The following ADGRV1 variants were observed in gnomAD, a reference collection of about 807,000 sequenced individuals.
ADGRV1 encodes adhesion G protein-coupled receptor V1.
Under a neutral mutation model 596.2 loss-of-function variants are expected in ADGRV1, and 359 were observed. The observed-to-expected ratio is 0.60, with a 90% CI of 0.55 to 0.66. The LOEUF is 0.66. Among genes scored for constraint, ADGRV1 ranks in the 30% least tolerant of loss-of-function variants. The pLI is 0.00. For missense variants in ADGRV1, 7,274 were observed against 7,575.6 expected (o/e 0.96, Z 1.48); for synonymous variants, 2,681 against 2,679.2 (o/e 1.00, Z -0.02).
intron 24 of ADGRV1, among the ~76,000 whole-genome samples, chr5:90,675,781 C>G (rs549162047): frequency 6.7e-6 from 1 of 150,316 alleles, no homozygotes; most frequent in South Asian, 2.1e-4. Context: ...TTGTGAGACT[C>G]TGTCTCTAAA....
In ADGRV1 at chr5:91,102,336, T is replaced by C; in HGVS notation, c.18428T>C (p.Leu6143Pro). ...GTTCTCTTTGTCATTTTCAACAGTC[T>C]GCAGGTAAGCCTTACAATTTGGTTA... ...MLVLFVIFNS[L>P]QGLYVFMVYF... The change falls in exon 87 of 90, where the codon CTG becomes CCG. Residue 6143 changes from leucine (L) to proline (P), a missense_variant. Leu to Pro is a moderately conservative substitution (Grantham distance 98). Transcript: ENST00000405460. 3 of 1,591,878 alleles carry C rather than the reference T, an allele frequency of 1.9e-6. No individual in the cohort carries two copies. The highest frequency in any genetic ancestry group is 2.6e-6 in the Non-Finnish European group (3 of 1,169,700).
At chr5:90,924,162 G>T (rs574685863) in intron 83 of ADGRV1, among the ~76,000 whole-genome samples, 1 of 151,670 alleles carries the variant, frequency 6.6e-6, no homozygotes, top group African/African-American at 2.4e-5. Context: ...GGGATGGCTG[G>T]GTCAAATGGT....
intron 89 of ADGRV1, among the ~76,000 whole-genome samples, chr5:91,156,720 T>G (rs2126935060): frequency 6.6e-6 from 1 of 152,232 alleles, no homozygotes; most frequent in South Asian, 2.1e-4. Flanking sequence ...AATAACAATC[T>G]CTAATACTTG....
At chr5:90,963,064 A>G (rs1478538286) in intron 83 of ADGRV1, among the ~76,000 whole-genome samples, 3 of 152,200 alleles carry the variant, frequency 2.0e-5, no homozygotes, top group Non-Finnish European at 2.9e-5. Context: ...ATAACAACCT[A>G]CATAAGTTGA....
At chr5:90,705,288 GAAGTA>G in intron 36 of ADGRV1, 107 bp from the exon 37 acceptor site, 1 of 825,870 alleles carries the variant, frequency 1.2e-6, no homozygotes. Context: ...ATTTGTTAGA[GAAGTA>G]AATAGAACAC....
In ADGRV1 at chr5:91,124,544, T is replaced by G. The variant is rs1487912161; in HGVS notation, c.18432+22204T>G. Among the ~76,000 whole-genome samples, 3 of 152,162 alleles carry G rather than the reference T, an allele frequency of 2.0e-5. No individual in the cohort carries two copies. The East Asian group carries it at 5.8e-4, about 29-fold the overall frequency. On this transcript the variant is annotated intron_variant, in intron 87 of 89. Transcript: ENST00000405460. ...TGAGCAAAAATAGAACAAAAATAGTTTATCTGGAGATTGAAAATTCCCAGT... is the reference window on the plus strand; with the variant it reads ...TGAGCAAAAATAGAACAAAAATAGTGTATCTGGAGATTGAAAATTCCCAGT...
chr5:90,646,222 A>G (rs575441345), intron 16 of ADGRV1, 131 bp downstream of exon 16: 6 of 401,638 alleles, frequency 1.5e-5, no homozygotes, highest in African/African-American at 1.3e-4. Flanking sequence ...ATATTTAGCA[A>G]TTTTTTTCAT....
chr5:90,791,375 C>G lies in ADGRV1; in HGVS notation c.14517+29C>G, dbSNP rs1344581947. Reference sequence around the variant, plus strand: ...TGTGGCATTTCTTCAGTTTCCTGATCATTCCAATAAAACCCTTTCAGGAGT... The same window carrying G: ...TGTGGCATTTCTTCAGTTTCCTGATGATTCCAATAAAACCCTTTCAGGAGT... On this transcript the variant is annotated intron_variant, in intron 70 of 89. Coordinates refer to ENST00000405460, the MANE Select transcript of ADGRV1 (RefSeq NM_032119.4). 6.1e-6 allele frequency: 9 copies of G among 1,471,720 alleles called. No homozygotes were observed. In the South Asian group the frequency reaches 1.2e-4, roughly 19 times the overall value. 91.2% of individuals were successfully genotyped at this position (1,471,720 alleles called of 1,614,324 possible). A position where few individuals can be genotyped will look rare whatever the true frequency, so the allele number is the denominator to read the frequency against.
intron 50 of ADGRV1, among the ~76,000 whole-genome samples, chr5:90,731,976 A>T (rs1387195649): frequency 2.6e-5 from 4 of 152,164 alleles, no homozygotes; most frequent in African/African-American, 9.7e-5. Flanking sequence ...GGTTTAATAC[A>T]TGGTATATAG....
At position 91,102,201 on chromosome 5, in the gene ADGRV1, T is replaced by G. The variant is rs757779614; in HGVS notation, c.18311-18T>G. The G allele has an allele frequency of 7.8e-7, 1 of 1,279,010 alleles. No homozygotes were observed. The highest frequency in any genetic ancestry group is 1.1e-6 in the Non-Finnish European group (1 of 942,434). The allele number at this position is 1,279,010 out of a possible 1,614,324, so 79.2% of individuals were successfully genotyped here. ...GCAGTATTCTGAAGCTCAAAAATTC[T>G]TTTTTTTTTATTTCTAGAAATTCCA... On this transcript the variant is annotated intron_variant, in intron 86 of 89. Transcript: ENST00000405460.
intron 85 of ADGRV1, among the ~76,000 whole-genome samples, chr5:91,055,154 G>A (rs1364925805): frequency 6.6e-6 from 1 of 152,070 alleles, no homozygotes; most frequent in African/African-American, 2.4e-5. Context: ...GTGCTCTAAA[G>A]GAAATGTTTG....
Position 90,777,960 on chromosome 5 carries a change from C to T in ADGRV1, c.12583C>T (p.Pro4195Ser). 6.2e-7 allele frequency: 1 copy of T among 1,612,144 alleles called. No individual in the cohort carries two copies. Among genetic ancestry groups the T allele is most frequent in the African/African-American group, 1.3e-5 (1 of 74,984 alleles). Residue 4195 changes from proline to serine, a missense_variant, in exon 62 of 90, where the codon CCT (proline) becomes TCT (serine). Coordinates refer to ENST00000405460, the MANE Select transcript of ADGRV1 (RefSeq NM_032119.4). Reference protein sequence around the residue: ...GEVTVFWRIFPPSVGEFAETS... With the variant: ...GEVTVFWRIFSPSVGEFAETS... ...GGTCACAGTGTTCTGGAGGATATTCCCTCCTTCCGTGGGGGAATTTGCTGA... is the reference window on the plus strand; with the variant it reads ...GGTCACAGTGTTCTGGAGGATATTCTCTCCTTCCGTGGGGGAATTTGCTGA...
At chr5:90,841,439 C>T (rs1303207636) in intron 78 of ADGRV1, among the ~76,000 whole-genome samples, 2 of 152,048 alleles carry the variant, frequency 1.3e-5, no homozygotes, top group African/African-American at 2.4e-5. Flanking sequence ...TTAGTCCTCA[C>T]GGGCACTGAA....
At chr5:91,072,640 A>G in intron 86 of ADGRV1, 36 bp downstream of exon 86, 3 of 1,588,336 alleles carry the variant, frequency 1.9e-6, no homozygotes, top group Non-Finnish European at 2.6e-6. Context: ...TTGGAGATGG[A>G]AACGCTTTAA....
Position 90,643,845 on chromosome 5 carries a change from C to T in ADGRV1, c.2596C>T (p.Arg866Trp), listed in dbSNP as rs200389929. Residue 866 changes from arginine (R) to tryptophan (W), a missense_variant, in exon 14 of 90, where the codon CGG becomes TGG. Physicochemically the swap from Arg to Trp is moderately radical, Grantham distance 101. This residue lies in a region of ADGRV1 where 1,715 missense variants were observed against 1,708.8 expected (regional missense o/e 1.00). Transcript: ENST00000405460. ...GGTGGTCCTCAGCAGCCACGGAGAA[C>T]GGGAAAGCAAGTTGGGAAGTGCCAC... is the stretch of plus-strand genomic sequence containing the variant. ...YWVVLSSHGERESKLGSATIV... is the reference protein window; with the variant it reads ...YWVVLSSHGEWESKLGSATIV... 1.5e-4 allele frequency: 242 copies of T among 1,610,454 alleles called. 3 individuals are homozygous for T. Among genetic ancestry groups the T allele is most frequent in the Admixed American group, 7.6e-4 (45 of 59,564 alleles).
intron 85 of ADGRV1, among the ~76,000 whole-genome samples, chr5:91,010,292 A>C (rs910520667): frequency 6.6e-6 from 1 of 152,114 alleles, no homozygotes; most frequent in African/African-American, 2.4e-5. Context: ...GATCAAAAGA[A>C]TCACCTAAAT....
chr5:90,572,622 A>T (rs1756681194), intron 1 of ADGRV1, among the ~76,000 whole-genome samples: 1 of 152,256 alleles, frequency 6.6e-6, no homozygotes. Flanking sequence ...ATAAATGTGC[A>T]CACATGCTCA....
At chr5:90,887,973 A>T (rs1770460793) in intron 83 of ADGRV1, among the ~76,000 whole-genome samples, 2 of 152,128 alleles carry the variant, frequency 1.3e-5, no homozygotes, top group Admixed American at 1.3e-4. Flanking sequence ...AGATACACAG[A>T]TAAAGTAGGC....
intron 20 of ADGRV1, among the ~76,000 whole-genome samples, chr5:90,657,043 A>G (rs564056883): frequency 4.7e-4 from 72 of 152,142 alleles, no homozygotes; most frequent in Non-Finnish European, 8.4e-4. Context: ...ATGAATTCTC[A>G]CAACTTTAAC....
Sources: allele counts gnomAD v4.1 joint callset (sites outside exome capture counted in the v4.1 genomes callset), GRCh38; gene constraint gnomAD v4.1.1; regional missense constraint gnomAD v4.1.1; transcripts MANE v1.5; gene names NCBI Gene and HGNC (gene_info 2026-07-23, HGNC 2026-07-21).